The following PAFAH1B2 variants were observed in gnomAD, a reference collection of about 807,000 sequenced individuals.
PAFAH1B2 encodes the protein platelet-activating factor acetylhydrolase IB subunit alpha2.
Under a neutral mutation model 28.0 loss-of-function variants are expected in PAFAH1B2, and 8 were observed. That is an observed-to-expected ratio of 0.29 (90% CI 0.17 to 0.52). The LOEUF (loss-of-function observed/expected upper bound fraction) is 0.52, where lower values mean the gene tolerates loss of function less well. PAFAH1B2 is among the 20% of genes least tolerant of loss of function. The pLI is 0.97. For missense variants in PAFAH1B2, 190 were observed against 282.6 expected (o/e 0.67, Z 2.35); for synonymous variants, 104 against 103.2 (o/e 1.01, Z -0.05).
chr11:117,167,524 T>C lies in PAFAH1B2; in HGVS notation c.515T>C (p.Leu172Pro). The C allele has an allele frequency of 6.2e-7, 1 of 1,613,122 alleles. No individual in the cohort carries two copies. The highest frequency in any genetic ancestry group is 8.5e-7 in the Non-Finnish European group (1 of 1,179,416). ...CTGCCGAAGCTTGCCAACGTGCAGC[T>C]CCTGGATACCGACGGGGGTTTTGTG... is the stretch of plus-strand genomic sequence containing the variant. Reference protein sequence around the residue: ...VSLPKLANVQLLDTDGGFVHS... With the variant: ...VSLPKLANVQPLDTDGGFVHS... Residue 172 changes from leucine (L) to proline (P), a missense_variant, in exon 6 of 6, where the codon CTC (leucine) becomes CCC (proline). Transcript: ENST00000527958.
At chr11:117,167,174 T>C (rs906598797) in intron 5 of PAFAH1B2, among the ~76,000 whole-genome samples, 2 of 150,322 alleles carry the variant, frequency 1.3e-5, no homozygotes, top group East Asian at 1.9e-4. Flanking sequence ...CTAAAGTATT[T>C]AGAGTAGTGG....
intron 5 of PAFAH1B2, 178 bp downstream of exon 5, chr11:117,164,070 C>G: frequency 3.3e-6 from 2 of 597,894 alleles, no homozygotes; most frequent in South Asian, 4.5e-5. Context: ...ATTCCCCATA[C>G]CAGCTGTGGG....
At chr11:117,167,362 ATAAT>A in intron 5 of PAFAH1B2, 55 bp from the exon 6 acceptor site, 2 of 1,469,236 alleles carry the variant, frequency 1.4e-6, no homozygotes, top group South Asian at 1.5e-5. Flanking sequence ...GAAGTTATAA[ATAAT>A]AAGTAGAGAA....
chr11:117,147,907 T>C (rs943527032), intron 1 of PAFAH1B2, among the ~76,000 whole-genome samples: 1 of 152,286 alleles, frequency 6.6e-6, no homozygotes, highest in African/African-American at 2.4e-5. Flanking sequence ...ATGTGTATGC[T>C]TTTTTTATTT....
chr11:117,158,208 T>G (rs1956295223), intron 2 of PAFAH1B2, among the ~76,000 whole-genome samples: 1 of 152,136 alleles, frequency 6.6e-6, no homozygotes, highest in African/African-American at 2.4e-5. Context: ...TCTTTTTTCT[T>G]TCTTTCTTTT....
chr11:117,165,041 G>A (rs1348364786), intron 5 of PAFAH1B2, among the ~76,000 whole-genome samples: 4 of 143,868 alleles, frequency 2.8e-5, no homozygotes, highest in Admixed American at 7.2e-5. Flanking sequence ...CTGCAAGCTC[G>A]GCCTCCCAGG....
Position 117,168,164 on chromosome 11 carries a change from T to C in PAFAH1B2, c.*465T>C. On this transcript the variant is annotated 3_prime_UTR_variant, in exon 6 of 6. Coordinates refer to ENST00000527958, the MANE Select transcript of PAFAH1B2 (RefSeq NM_002572.4). ...GCCTTTTGTTTTTATGTTGCTTAGA[T>C]TCTTATGTATACTGAATATTTTATT... 9.5e-7 allele frequency: 1 copy of C among 1,049,774 alleles called. No homozygotes were observed. The highest frequency in any genetic ancestry group is 1.2e-6 in the Non-Finnish European group (1 of 867,270). 65.0% of individuals were successfully genotyped at this position (1,049,774 alleles called of 1,614,324 possible).
At position 117,167,459 on chromosome 11, in the gene PAFAH1B2, G is replaced by A. The variant is rs1252286790; in HGVS notation, c.450G>A (p.Arg150=). The change falls in exon 6 of 6, where the codon AGG becomes AGA. Residue 150 remains arginine, a synonymous_variant. Coordinates refer to ENST00000527958, the MANE Select transcript of PAFAH1B2 (RefSeq NM_002572.4). ...LPRGEKPNPL[R]QKNAKVNQLL... is the part of the protein sequence containing the mutation. ...GAGGTGAGAAACCCAATCCTTTGAG[G>A]CAAAAGAACGCCAAGGTGAACCAAC... 1.3e-6 allele frequency: 2 copies of A among 1,598,258 alleles called. No homozygotes were observed. The highest frequency in any genetic ancestry group is 3.4e-5 in the Admixed American group (2 of 58,964).
intron 1 of PAFAH1B2, among the ~76,000 whole-genome samples, chr11:117,145,877 T>C (rs1054342973): frequency 6.6e-6 from 1 of 152,224 alleles, no homozygotes; most frequent in African/African-American, 2.4e-5. Flanking sequence ...ACGTGGTTTC[T>C]CATTAAATAC....
intron 2 of PAFAH1B2, among the ~76,000 whole-genome samples, chr11:117,153,492 G>A (rs920423857): frequency 6.6e-6 from 1 of 152,108 alleles, no homozygotes; most frequent in Non-Finnish European, 1.5e-5. Context: ...CTGGGTTCAA[G>A]ATATTCTTGT....
downstream of PAFAH1B2, chr11:117,171,675 A>C (rs1233570551): frequency 2.0e-6 from 3 of 1,532,378 alleles, no homozygotes; most frequent in East Asian, 7.3e-5. Flanking sequence ...GACTAGAACA[A>C]GGGTCGGTTA....
At chr11:117,164,801 C>T (rs966436185) in intron 5 of PAFAH1B2, among the ~76,000 whole-genome samples, 10 of 151,572 alleles carry the variant, frequency 6.6e-5, no homozygotes, top group South Asian at 4.2e-4. Context: ...TTTGGGAGGC[C>T]GAGGCGGGTG....
intron 1 of PAFAH1B2, among the ~76,000 whole-genome samples, chr11:117,144,776 C>T (rs1013286967): frequency 1.3e-5 from 2 of 151,832 alleles, no homozygotes; most frequent in Non-Finnish European, 1.5e-5. Flanking sequence ...CTGCCGGGCC[C>T]ACCCGCGGTA....
Position 117,163,835 on chromosome 11 carries a change from C to A in PAFAH1B2, c.354C>A (p.Ile118=). 1 of 1,613,822 alleles carries A rather than the reference C, an allele frequency of 6.2e-7. No homozygotes were observed. Among genetic ancestry groups the A allele is most frequent in the Non-Finnish European group, 8.5e-7 (1 of 1,179,870 alleles). Residue 118 remains isoleucine, a synonymous_variant, in exon 5 of 6, where the codon ATC becomes ATA. Coordinates refer to ENST00000527958, the MANE Select transcript of PAFAH1B2 (RefSeq NM_002572.4). ...CAGCAGAAGAAGTAGCAGGTGGGAT[C>A]GAGGCCATTGTACAACTTATCAACA... ...ENTAEEVAGG[I]EAIVQLINTR...
chr11:117,165,187 C>T (rs559236323), intron 5 of PAFAH1B2, among the ~76,000 whole-genome samples: 4 of 151,552 alleles, frequency 2.6e-5, no homozygotes, highest in Admixed American at 6.6e-5. Context: ...CTCCTGACCT[C>T]GTGATCTGCC....
At chr11:117,176,242 G>C in exon 6 of PAFAH1B2, 1 of 434,864 alleles carries the variant, frequency 2.3e-6, no homozygotes, top group Non-Finnish European at 4.1e-6. Flanking sequence ...CTTTGGAAAA[G>C]GGGTGCAGCT....
At chr11:117,165,213 A>C (rs1044705549) in intron 5 of PAFAH1B2, among the ~76,000 whole-genome samples, 1 of 150,896 alleles carries the variant, frequency 6.6e-6, no homozygotes, top group Non-Finnish European at 1.5e-5. Context: ...TGGCCTCCCA[A>C]AGTGCTGCGA....
At chr11:117,156,869 A>C (rs181656354) in intron 2 of PAFAH1B2, among the ~76,000 whole-genome samples, 2 of 152,092 alleles carry the variant, frequency 1.3e-5, no homozygotes, top group African/African-American at 4.8e-5. Flanking sequence ...GCCAAAAATA[A>C]AAGCCGGATA....
chr11:117,165,433 C>T (rs955762337), intron 5 of PAFAH1B2, among the ~76,000 whole-genome samples: 1 of 151,654 alleles, frequency 6.6e-6, no homozygotes, highest in South Asian at 2.1e-4. Context: ...AAATTTAGTT[C>T]TTTAGTGAGA....
Sources: allele counts gnomAD v4.1 joint callset (sites outside exome capture counted in the v4.1 genomes callset), GRCh38; gene constraint gnomAD v4.1.1; transcripts MANE v1.5; gene names NCBI Gene and HGNC (gene_info 2026-07-23, HGNC 2026-07-21).